The following ARNT variants were observed in gnomAD, a reference collection of about 807,000 sequenced individuals.
ARNT encodes the protein aryl hydrocarbon receptor nuclear translocator, also known as class E basic helix-loop-helix protein 2.
A neutral mutation model predicts 105.0 loss-of-function variants in ARNT; 30 were observed. The ratio of observed to expected loss-of-function variants is 0.29; its 90% confidence interval spans 0.21 to 0.39. The LOEUF (loss-of-function observed/expected upper bound fraction) is 0.39, where lower values mean the gene tolerates loss of function less well. Among genes scored for constraint, ARNT ranks in the 10% least tolerant of loss-of-function variants. ARNT has a pLI of 1.00. For missense variants in ARNT, 748 were observed against 978.7 expected, an observed-to-expected ratio of 0.76 and a Z score of 3.15; for synonymous variants, 304 against 344.0, an observed-to-expected ratio of 0.88 and a Z score of 1.29.
intron 1 of ARNT, among the ~76,000 whole-genome samples, chr1:150,867,754 G>A (rs909967364): frequency 7.2e-5 from 11 of 152,068 alleles, no homozygotes; most frequent in African/African-American, 2.7e-4. Flanking sequence ...GTTTCCAAAG[G>A]TTTAGCACCA....
chr1:150,824,458 C>CTT (rs923773809), intron 13 of ARNT, among the ~76,000 whole-genome samples: 12 of 138,566 alleles, frequency 8.7e-5, no homozygotes, highest in Admixed American at 1.5e-4. Context: ...TTTTCTTTTT[C>CTT]TTTTTTTTTT....
chr1:150,869,142 A>G (rs587729363), intron 1 of ARNT, among the ~76,000 whole-genome samples: 11 of 152,204 alleles, frequency 7.2e-5, no homozygotes, highest in South Asian at 2.1e-4. Flanking sequence ...AAAACCCTTA[A>G]AAGTATTTAA....
At chr1:150,869,273 C>T (rs1667087006) in intron 1 of ARNT, among the ~76,000 whole-genome samples, 2 of 152,078 alleles carry the variant, frequency 1.3e-5, no homozygotes, top group Non-Finnish European at 1.5e-5. Flanking sequence ...GTCAGGAGAT[C>T]GAGGCCATCC....
chr1:150,823,422 C>A, intron 13 of ARNT, 77 bp from the exon 14 acceptor site: 1 of 1,412,864 alleles, frequency 7.1e-7, no homozygotes, highest in Non-Finnish European at 9.6e-7. Flanking sequence ...TTTCCAATTT[C>A]TATAACCCTA....
chr1:150,850,610 G>C (rs977491184), intron 3 of ARNT, among the ~76,000 whole-genome samples: 2 of 152,344 alleles, frequency 1.3e-5, no homozygotes, highest in East Asian at 1.9e-4. Context: ...CTGGAGTGCA[G>C]TGGCGTGATC....
In ARNT at chr1:150,829,150, C is replaced by T. The variant is rs375752258; in HGVS notation, c.1110G>A (p.Glu370=). ...GGTGATCCACAAAAGTGAAGATACC[C>T]TCAATGTTGTGTCGGGAGATGAACT... The part of the protein sequence containing the change: ...PTEFISRHNI[E]GIFTFVDHRC... Residue 370 remains glutamate (E), a synonymous_variant, in exon 12 of 22, where the codon GAG becomes GAA. Coordinates refer to ENST00000358595, the MANE Select transcript of ARNT (RefSeq NM_001668.4). 8 of 1,614,036 alleles carry T rather than the reference C, an allele frequency of 5.0e-6. No homozygotes were observed. In the African/African-American group the frequency reaches 9.3e-5, roughly 19 times the overall value.
chr1:150,830,977 G>A (rs1659270468), intron 10 of ARNT, among the ~76,000 whole-genome samples: 1 of 152,052 alleles, frequency 6.6e-6, no homozygotes, highest in Non-Finnish European at 1.5e-5. Context: ...CCTGCCATAT[G>A]CCAGGCACTG....
chr1:150,829,981 C>T lies in ARNT; in HGVS notation c.956-1G>A. On this transcript the variant is annotated splice_acceptor_variant, in intron 10 of 21. Transcript: ENST00000358595. LOFTEE classifies it high-confidence loss of function. ...GGGTCATCATCTGGGAGGGAAACAC[C>T]TTCAGAAACGTGACGTTAAAAGGTT... 1 of 1,614,190 alleles carries T rather than the reference C, an allele frequency of 6.2e-7. No homozygotes were observed. The highest frequency in any genetic ancestry group is 8.5e-7 in the Non-Finnish European group (1 of 1,180,020).
intron 19 of ARNT, among the ~76,000 whole-genome samples, chr1:150,814,827 C>T (rs587717841): frequency 6.0e-5 from 9 of 150,266 alleles, no homozygotes; most frequent in African/African-American, 2.0e-4. Flanking sequence ...TGGGCAACAG[C>T]GAGACTCTGT....
At chr1:150,832,165 G>C (rs1263380568) in intron 9 of ARNT, among the ~76,000 whole-genome samples, 169 bp downstream of exon 9, 5 of 152,118 alleles carry the variant, frequency 3.3e-5, no homozygotes, top group Non-Finnish European at 7.4e-5. Flanking sequence ...TAGAAGTTTA[G>C]GAAAATATTG....
intron 6 of ARNT, among the ~76,000 whole-genome samples, chr1:150,838,191 C>A (rs760810167): frequency 5.9e-5 from 9 of 152,288 alleles, no homozygotes; most frequent in Middle Eastern, 6.8e-3. Context: ...ACATGCTAAA[C>A]CACTTGACTT....
At chr1:150,823,103 A>G (rs1657450550) in intron 14 of ARNT, 91 bp downstream of exon 14, 27 of 1,295,860 alleles carry the variant, frequency 2.1e-5, no homozygotes, top group Non-Finnish European at 2.7e-5. Flanking sequence ...TTGTTGCTTG[A>G]TTGTTTACCC....
In ARNT at chr1:150,830,172, C is replaced by T. The variant is rs1311344542; in HGVS notation, c.956-192G>A. ...ACCAGCCTGGCCGACACAGTGAAAC[C>T]CCATCTCTACTAAAAATACAAAAAT... is the stretch of plus-strand genomic sequence containing the variant. On this transcript the variant is annotated intron_variant, in intron 10 of 21. Transcript: ENST00000358595. The T allele has an allele frequency of 9.2e-6, 5 of 540,766 alleles. No homozygotes were observed. In the African/African-American group the frequency reaches 9.6e-5, roughly 10 times the overall value. The allele number at this position is 540,766 out of a possible 1,614,324, so 33.5% of individuals were successfully genotyped here. A position where few individuals can be genotyped will look rare whatever the true frequency, so the allele number is the denominator to read the frequency against.
chr1:150,814,378 T>G (rs1307117195), intron 19 of ARNT, 139 bp from the exon 20 acceptor site: 1 of 841,686 alleles, frequency 1.2e-6, no homozygotes, highest in Admixed American at 3.2e-5. Context: ...TGTATATTTC[T>G]TCCAATTAAC....
At position 150,817,282 on chromosome 1, in the gene ARNT, T is replaced by C. The variant is rs867236963; in HGVS notation, c.1578+79A>G. The stretch of plus-strand genomic sequence containing the variant: ...AACCCTAAAATTCATATACAACATA[T>C]GTACATTCTAACTAGTACCGGAGAA... On this transcript the variant is annotated intron_variant, in intron 16 of 21. Coordinates refer to ENST00000358595, the MANE Select transcript of ARNT (RefSeq NM_001668.4). 3.0e-5 allele frequency: 49 copies of C among 1,611,534 alleles called. No homozygotes were observed. The Middle Eastern group carries it at 4.9e-4, about 16-fold the overall frequency.
chr1:150,826,421 G>T, intron 13 of ARNT, 122 bp downstream of exon 13: 1 of 732,528 alleles, frequency 1.4e-6, no homozygotes, highest in South Asian at 1.9e-5. Flanking sequence ...TAAAAATGCA[G>T]ATTAACTACT....
chr1:150,853,513 C>T (rs796345125), intron 2 of ARNT, among the ~76,000 whole-genome samples: 3 of 152,310 alleles, frequency 2.0e-5, no homozygotes, highest in African/African-American at 7.2e-5. Flanking sequence ...TCTGAAACAT[C>T]TTTCAAAGCA....
intron 19 of ARNT, 93 bp downstream of exon 19, chr1:150,816,166 T>TA (rs1655827534): frequency 6.9e-7 from 1 of 1,442,082 alleles, no homozygotes; most frequent in Non-Finnish European, 9.4e-7. Flanking sequence ...GGGGAGAAGG[T>TA]ATTTAAAATA....
intron 2 of ARNT, among the ~76,000 whole-genome samples, chr1:150,853,949 G>A (rs1380215149): frequency 6.6e-6 from 1 of 152,032 alleles, no homozygotes; most frequent in Non-Finnish European, 1.5e-5. Flanking sequence ...TAGATGGGTC[G>A]CATTTGAAGT....
Sources: gnomAD v4.1 joint callset for allele counts (sites outside exome capture counted in the v4.1 genomes callset) on GRCh38, gnomAD v4.1.1 for gene constraint, MANE v1.5 for transcripts, NCBI Gene and HGNC (gene_info 2026-07-23, HGNC 2026-07-21) for gene names.